The following CCDC57 variants were observed in gnomAD, a reference collection of about 807,000 sequenced individuals.
CCDC57 encodes coiled-coil domain-containing protein 57.
CCDC57 carries 118 observed loss-of-function variants against 118.9 expected under a neutral mutation model. That is an observed-to-expected ratio of 0.99 (90% confidence interval 0.86 to 1.16). The LOEUF is 1.16. Ranked by LOEUF, CCDC57 falls within the 50% of genes most tolerant of loss-of-function variation. CCDC57 has a pLI of 0.00. For missense variants in CCDC57, 1,300 were observed against 1,320.7 expected, an observed-to-expected ratio of 0.98 and a Z score of 0.24; for synonymous variants, 527 against 532.9, an observed-to-expected ratio of 0.99 and a Z score of 0.15.
chr17:82,148,032 TGGTAGATGGATGGGTGGGTG>T, intron 16 of CCDC57, among the ~76,000 whole-genome samples: 1 of 47,562 alleles, frequency 2.1e-5, no homozygotes, highest in Non-Finnish European at 3.8e-5. Context: ...GGTGGATGGA[TGGTAGATGGATGGGTGGGTG>T]GGTGGATGGA....
At chr17:82,101,664 CG>C (rs752450300) in exon 20 of CCDC57, 54 of 1,569,392 alleles carry the variant, frequency 3.4e-5, no homozygotes, top group Non-Finnish European at 4.4e-5. Context: ...CTTAGTGGGG[CG>C]GGGTGGGGGG....
At chr17:82,103,808 G>A (rs1471736688) in intron 19 of CCDC57, among the ~76,000 whole-genome samples, 1 of 150,620 alleles carries the variant, frequency 6.6e-6, no homozygotes, top group African/African-American at 2.5e-5. Context: ...GGAGGTGTGA[G>A]TGGGTCACAG....
chr17:82,191,175 C>G (rs2047632283), intron 7 of CCDC57, among the ~76,000 whole-genome samples: 1 of 152,040 alleles, frequency 6.6e-6, no homozygotes, highest in Admixed American at 6.6e-5. Context: ...CAGCATGGAT[C>G]TTGGAGAAAC....
chr17:82,201,584 G>T, exon 3 of CCDC57: 1 of 1,612,068 alleles, frequency 6.2e-7, no homozygotes. Flanking sequence ...AATGCCAGCT[G>T]CTGCTGCTGC....
chr17:82,121,640 GAA>G (rs1403282486), intron 19 of CCDC57, among the ~76,000 whole-genome samples: 1 of 152,214 alleles, frequency 6.6e-6, no homozygotes, highest in Non-Finnish European at 1.5e-5. Context: ...GCCATTAGGA[GAA>G]AAGAGAATCC....
chr17:82,206,003 G>C (rs1269318015), intron 2 of CCDC57, among the ~76,000 whole-genome samples: 1 of 152,254 alleles, frequency 6.6e-6, no homozygotes, highest in Non-Finnish European at 1.5e-5. Context: ...CACGGACTCA[G>C]CATCTGGACG....
chr17:82,168,836 T>C (rs56051385), intron 13 of CCDC57, among the ~76,000 whole-genome samples: 36,639 of 148,170 alleles, frequency 0.25, 5,226 homozygotes, highest in Non-Finnish European at 0.33. Flanking sequence ...ACAACAAAGA[T>C]ACAAAATATA....
rs1406799826 is a variant in CCDC57 at position 82,212,511 on chromosome 17, G to C, written c.-211+274C>G. Among the ~76,000 whole-genome samples, 1 of 151,656 alleles carries C rather than the reference G, an allele frequency of 6.6e-6. No homozygotes were observed. Among genetic ancestry groups the C allele is most frequent in the African/African-American group, 2.4e-5 (1 of 41,258 alleles). ...CTCCCGGGGCTGCGGGGCCCTGGTCGGCAGCGCCCACCGCCCCAGGTCACC... is the reference window on the plus strand; with the variant it reads ...CTCCCGGGGCTGCGGGGCCCTGGTCCGCAGCGCCCACCGCCCCAGGTCACC... On this transcript the variant is annotated intron_variant, in intron 1 of 19. Coordinates refer to ENST00000665763, the Ensembl canonical transcript of CCDC57. The surrounding 1 kb of genome is among the most constrained non-coding windows in gnomAD (Gnocchi z 4.1).
chr17:82,141,674 G>C (rs765352898), intron 16 of CCDC57, among the ~76,000 whole-genome samples: 1 of 152,142 alleles, frequency 6.6e-6, no homozygotes, highest in Non-Finnish European at 1.5e-5. Context: ...TCCTTTTGTG[G>C]TTCATCCGCC....
At chr17:82,113,787 T>C (rs2035487674) in intron 19 of CCDC57, 1 of 645,514 alleles carries the variant, frequency 1.5e-6, no homozygotes, top group Non-Finnish European at 2.8e-6. Context: ...TAAAATAACA[T>C]GTAAAAAGAT....
At chr17:82,210,429 T>C (rs1488078117) in intron 1 of CCDC57, among the ~76,000 whole-genome samples, 10 of 151,760 alleles carry the variant, frequency 6.6e-5, no homozygotes, top group Non-Finnish European at 1.0e-4. Flanking sequence ...CCCAGCACTT[T>C]CGGAGGCCAA....
chr17:82,137,841 T>G (rs1039450923), intron 16 of CCDC57, among the ~76,000 whole-genome samples: 4 of 151,314 alleles, frequency 2.6e-5, no homozygotes, highest in African/African-American at 9.7e-5. Context: ...GCCTGGCTAA[T>G]TTTTGTATTT....
intron 9 of CCDC57, among the ~76,000 whole-genome samples, chr17:82,181,663 C>T (rs2046224469): frequency 6.6e-6 from 1 of 152,168 alleles, no homozygotes; most frequent in Non-Finnish European, 1.5e-5. Context: ...CAGATAAATA[C>T]ATTTAAGCAG....
intron 17 of CCDC57, among the ~76,000 whole-genome samples, chr17:82,131,166 C>T (rs1450507174): frequency 1.3e-5 from 2 of 151,026 alleles, no homozygotes; most frequent in Non-Finnish European, 2.9e-5. Context: ...TGTGTTAGCT[C>T]ACACCTGTAA....
chr17:82,101,943 C>A (rs908500548), intron 19 of CCDC57, 77 bp from the exon 19 acceptor site: 33 of 1,355,744 alleles, frequency 2.4e-5, no homozygotes, highest in African/African-American at 4.4e-5. Context: ...AGGCACTGCA[C>A]AGGTGCAGCA....
intron 19 of CCDC57, among the ~76,000 whole-genome samples, chr17:82,111,603 CTTGTTTTTTGTTT>C (rs1255628955): frequency 2.6e-5 from 4 of 151,176 alleles, no homozygotes; most frequent in Non-Finnish European, 5.9e-5. Flanking sequence ...TATATGTTTT[CTTGTTTTTTGTTT>C]TTGTTTTTTG....
At position 82,113,162 on chromosome 17, in the gene CCDC57, C is replaced by T. The variant is rs1029606021; in HGVS notation, c.2900-11296G>A. ...GACATCTACTTGACCATCTGTTTCT[C>T]AGAAAGTTCCAAGACTGCCCTGTCC... is the stretch of plus-strand genomic sequence containing the variant. On this transcript the variant is annotated intron_variant, in intron 19 of 19. Coordinates refer to ENST00000665763, the Ensembl canonical transcript of CCDC57. 5 of 551,280 alleles carry T rather than the reference C, an allele frequency of 9.1e-6. No individual in the cohort carries two copies. The Admixed American group carries it at 1.4e-4, about 15-fold the overall frequency. The allele number at this position is 551,280 out of a possible 1,614,324, so 34.1% of individuals were successfully genotyped here.
Position 82,212,025 on chromosome 17 carries a change from C to T in CCDC57, c.-211+760G>A, listed in dbSNP as rs1446978795. Among the ~76,000 whole-genome samples the T allele has an allele frequency of 6.6e-6, 1 of 152,212 alleles. No homozygotes were observed. Among genetic ancestry groups the T allele is most frequent in the African/African-American group, 2.4e-5 (1 of 41,450 alleles). Reference sequence around the variant, plus strand: ...ATCGCTTCAGCTAGCCTCCCCTCCTCTATTTAGACCAAGGTATCAAAAGAA... The same window carrying T: ...ATCGCTTCAGCTAGCCTCCCCTCCTTTATTTAGACCAAGGTATCAAAAGAA... On this transcript the variant is annotated intron_variant, in intron 1 of 19. Coordinates refer to ENST00000665763, the Ensembl canonical transcript of CCDC57. This position sits in a 1 kb window ranked among gnomAD's most constrained non-coding sequence, Gnocchi z 4.1.
In CCDC57 at chr17:82,144,770, TAA is replaced by T. The variant is rs1221766816; in HGVS notation, c.2455+6788_2455+6789del. Reference sequence around the variant, plus strand: ...TTACTATTTATGCACATATGCCTAATAAAGAGTATTGAGTCAGCTGCCAACTA... The same window carrying T: ...TTACTATTTATGCACATATGCCTAATAGAGTATTGAGTCAGCTGCCAACTA... On this transcript the variant is annotated intron_variant, in intron 16 of 19. Coordinates refer to ENST00000665763, the Ensembl canonical transcript of CCDC57. Among the ~76,000 whole-genome samples, 3 of 152,204 alleles carry T rather than the reference TAA, an allele frequency of 2.0e-5. No homozygotes were observed. The East Asian group carries it at 5.8e-4, about 29-fold the overall frequency.
Sources: gnomAD v4.1 joint callset for allele counts (sites outside exome capture counted in the v4.1 genomes callset) on GRCh38, gnomAD v4.1.1 for gene constraint, Gnocchi (gnomAD v3.1) non-coding constraint, MANE v1.5 for transcripts, NCBI Gene and HGNC (gene_info 2026-07-23, HGNC 2026-07-21) for gene names.